The following RALYL variants were observed in gnomAD, a reference collection of about 807,000 sequenced individuals.
The protein encoded by RALYL is RNA-binding Raly-like protein.
Under a neutral mutation model 35.1 loss-of-function variants are expected in RALYL, and 29 were observed. That is an observed-to-expected ratio of 0.83 (90% CI 0.61 to 1.13). The LOEUF is 1.13. RALYL is among the 50% of genes most tolerant of loss of function. The probability of loss-of-function intolerance (pLI) is 0.00; values close to 1 mark genes in which losing one functional copy is unlikely to be tolerated. For synonymous variants in RALYL, 120 were observed against 127.6 expected, an observed-to-expected ratio of 0.94 and a Z score of 0.40; for missense variants, 359 against 360.4, an observed-to-expected ratio of 1.00 and a Z score of 0.03.
At chr8:84,311,729 A>G (rs565263228) in intron 1 of RALYL, among the ~76,000 whole-genome samples, 1 of 152,346 alleles carries the variant, frequency 6.6e-6, no homozygotes, top group Admixed American at 6.5e-5. Flanking sequence ...GAAAATGAAG[A>G]GTAATGAAGG....
intron 1 of RALYL, among the ~76,000 whole-genome samples, chr8:84,362,487 A>G (rs1267791635): frequency 6.6e-6 from 1 of 152,114 alleles, no homozygotes; most frequent in African/African-American, 2.4e-5. Flanking sequence ...GTGGCACAGC[A>G]GGAGGCAAGC....
intron 1 of RALYL, among the ~76,000 whole-genome samples, chr8:84,443,599 G>A (rs1243113050): frequency 3.3e-5 from 5 of 152,124 alleles, no homozygotes; most frequent in African/African-American, 1.2e-4. Flanking sequence ...TTGGTATAGA[G>A]CGTGCTCTCA....
chr8:84,343,564 T>A (rs1389119336), intron 1 of RALYL, among the ~76,000 whole-genome samples: 2 of 152,088 alleles, frequency 1.3e-5, no homozygotes, highest in Admixed American at 1.3e-4. Context: ...TCTTAATTCT[T>A]TCTTTCAGGA....
chr8:84,185,240 A>T (rs1812206389), intron 1 of RALYL: 1 of 577,480 alleles, frequency 1.7e-6, no homozygotes, highest in African/African-American at 1.9e-5. Flanking sequence ...TAAGGTATTA[A>T]AAAAATGCCT....
intron 7 of RALYL, among the ~76,000 whole-genome samples, chr8:84,884,840 C>A (rs533508804): frequency 1.3e-5 from 2 of 152,186 alleles, no homozygotes; most frequent in African/African-American, 4.8e-5. Flanking sequence ...CAGGTACCAA[C>A]ACTAGGTCTT....
chr8:84,490,641 G>A (rs1038704283), intron 1 of RALYL, among the ~76,000 whole-genome samples: 3 of 151,796 alleles, frequency 2.0e-5, no homozygotes, highest in South Asian at 2.1e-4. Flanking sequence ...TTTATTAAAG[G>A]AAGGAAGTGG....
At chr8:84,424,892 A>G (rs2046167215) in intron 1 of RALYL, among the ~76,000 whole-genome samples, 1 of 151,606 alleles carries the variant, frequency 6.6e-6, no homozygotes, top group Admixed American at 6.6e-5. Flanking sequence ...CCACTTGAGG[A>G]GGCAGTCTGC....
chr8:84,698,923 G>C (rs1054859274), intron 2 of RALYL, among the ~76,000 whole-genome samples: 24 of 152,028 alleles, frequency 1.6e-4, no homozygotes, highest in African/African-American at 5.6e-4. Context: ...GAGGAAGGAC[G>C]CATCCTGCAA....
intron 1 of RALYL, among the ~76,000 whole-genome samples, chr8:84,216,759 A>T (rs1329979004): frequency 2.0e-5 from 3 of 152,168 alleles, no homozygotes; most frequent in Admixed American, 6.6e-5. Flanking sequence ...GTGACTAAAA[A>T]ATGGAATTTT....
intron 2 of RALYL, among the ~76,000 whole-genome samples, chr8:84,635,048 C>T (rs1032850533): frequency 6.6e-6 from 1 of 151,742 alleles, no homozygotes; most frequent in Non-Finnish European, 1.5e-5. Context: ...AGATAGTAAT[C>T]ATTCTTTATT....
intron 1 of RALYL, among the ~76,000 whole-genome samples, chr8:84,368,747 C>T (rs1855068195): frequency 6.6e-6 from 1 of 152,144 alleles, no homozygotes; most frequent in Non-Finnish European, 1.5e-5. Flanking sequence ...AGTTATCTCC[C>T]ACCAGGTCCC....
chr8:84,834,214 A>T (rs1831492291), intron 4 of RALYL, among the ~76,000 whole-genome samples: 1 of 152,222 alleles, frequency 6.6e-6, no homozygotes, highest in Admixed American at 6.5e-5. Flanking sequence ...TGCAAAATAC[A>T]ACACAGCCTA....
chr8:84,773,400 C>A (rs1339923561), intron 2 of RALYL, among the ~76,000 whole-genome samples: 2 of 152,142 alleles, frequency 1.3e-5, no homozygotes, highest in South Asian at 2.1e-4. Flanking sequence ...AAAATAATAT[C>A]CCTCATTTCT....
At chr8:84,719,655 TA>T (rs1380703536) in intron 2 of RALYL, among the ~76,000 whole-genome samples, 8 of 152,138 alleles carry the variant, frequency 5.3e-5, no homozygotes, top group African/African-American at 1.9e-4. Flanking sequence ...TTTTATTTAT[TA>T]TACTTTTTAA....
At chr8:84,257,415 T>C (rs1312223792) in intron 1 of RALYL, among the ~76,000 whole-genome samples, 1 of 152,128 alleles carries the variant, frequency 6.6e-6, no homozygotes, top group Non-Finnish European at 1.5e-5. Context: ...CCACTGGCTA[T>C]GCCTGGAGTT....
chr8:84,186,764 A>T (rs1306427793), intron 1 of RALYL, among the ~76,000 whole-genome samples: 2 of 152,124 alleles, frequency 1.3e-5, no homozygotes, highest in East Asian at 1.9e-4. Context: ...TTTAAGATTC[A>T]TTTTTAATTA....
intron 1 of RALYL, among the ~76,000 whole-genome samples, chr8:84,340,953 T>C (rs1292422277): frequency 6.6e-6 from 1 of 152,052 alleles, no homozygotes; most frequent in East Asian, 1.9e-4. Context: ...TGGTTCCAGT[T>C]TTTCCATAAT....
At chr8:84,638,867 CATAAATAT>C (rs1159672507) in intron 2 of RALYL, among the ~76,000 whole-genome samples, 1,101 of 101,968 alleles carry the variant, frequency 0.011, 48 homozygotes, top group African/African-American at 0.015. Flanking sequence ...CTAATGCACG[CATAAATAT>C]ATATATATAT....
intron 2 of RALYL, among the ~76,000 whole-genome samples, chr8:84,661,327 C>A (rs1830867327): frequency 6.6e-6 from 1 of 152,132 alleles, no homozygotes; most frequent in Admixed American, 6.5e-5. Context: ...AAGTCACCCA[C>A]TCCTCTGATA....
Sources: gnomAD v4.1 joint callset for allele counts (sites outside exome capture counted in the v4.1 genomes callset) on GRCh38, gnomAD v4.1.1 for gene constraint, MANE v1.5 for transcripts, NCBI Gene and HGNC (gene_info 2026-07-23, HGNC 2026-07-21) for gene names.